Variants in INSC observed in about 807,000 individuals in gnomAD.
INSC encodes protein inscuteable homolog.
A neutral mutation model predicts 58.6 loss-of-function variants in INSC; 67 were observed. The observed-to-expected ratio is 1.14, with a 90% CI of 0.94 to 1.40. The LOEUF (loss-of-function observed/expected upper bound fraction) is 1.40. INSC is among the 40% of genes most tolerant of loss of function. The pLI is 0.00. For missense variants in INSC, 714 were observed against 692.0 expected (o/e 1.03, Z -0.36); for synonymous variants, 262 against 276.1 (o/e 0.95, Z 0.51).
At chr11:15,192,914 A>C (rs981737024) in intron 6 of INSC, among the ~76,000 whole-genome samples, 1 of 152,180 alleles carries the variant, frequency 6.6e-6, no homozygotes, top group Non-Finnish European at 1.5e-5. Context: ...CATATATTTG[A>C]CTCTGTTATA....
intron 7 of INSC, among the ~76,000 whole-genome samples, 191 bp downstream of exon 7, chr11:15,201,140 C>T (rs534438518): frequency 6.6e-6 from 1 of 152,140 alleles, no homozygotes; most frequent in Non-Finnish European, 1.5e-5. Context: ...GAGATGGGGA[C>T]TGATGAGCCT....
At chr11:15,208,856 GGT>G (rs1160079337) in intron 7 of INSC, among the ~76,000 whole-genome samples, 1 of 152,204 alleles carries the variant, frequency 6.6e-6, no homozygotes, top group East Asian at 1.9e-4. Flanking sequence ...GGCTGCCTGG[GGT>G]AGGCTTCTCC....
chr11:15,175,146 C>A (rs371968045), intron 2 of INSC, among the ~76,000 whole-genome samples: 2 of 152,162 alleles, frequency 1.3e-5, no homozygotes, highest in South Asian at 2.1e-4. Flanking sequence ...TCCTTAAGAG[C>A]CTTTAGCATT....
chr11:15,135,988 G>A (rs903084435), intron 1 of INSC, among the ~76,000 whole-genome samples: 6 of 152,122 alleles, frequency 3.9e-5, no homozygotes, highest in Non-Finnish European at 8.8e-5. Flanking sequence ...GGCCAAGAAA[G>A]TGAATCCACT....
chr11:15,140,869 G>A (rs1232774492), intron 1 of INSC, among the ~76,000 whole-genome samples: 1 of 152,096 alleles, frequency 6.6e-6, no homozygotes, highest in African/African-American at 2.4e-5. Context: ...GCAGGTGTGA[G>A]CCACTGCACA....
chr11:15,269,531 T>C, the INSC span, among the ~76,000 whole-genome samples: 1 of 152,016 alleles, frequency 6.6e-6, no homozygotes, highest in Non-Finnish European at 1.5e-5. Flanking sequence ...TGATGGTTTT[T>C]TTTTTGTTTG....
chr11:15,149,032 T>C, intron 1 of INSC, 98 bp from the exon 2 acceptor site: 1 of 1,380,486 alleles, frequency 7.2e-7, no homozygotes, highest in Non-Finnish European at 9.5e-7. Context: ...TCTTACCTCT[T>C]TGTCTGCTTT....
At chr11:15,159,145 G>A (rs548799580) in intron 2 of INSC, among the ~76,000 whole-genome samples, 1 of 152,314 alleles carries the variant, frequency 6.6e-6, no homozygotes, top group East Asian at 1.9e-4. Context: ...CCCTGGGTCT[G>A]CCTACAACTG....
rs114121821 is a variant in INSC at position 15,128,273 on chromosome 11, C to A, written c.-46+13270C>A. The stretch of plus-strand genomic sequence containing the variant: ...TTCACTTTGCCTGAATTATATCTTT[C>A]ACTCCTTTGGTCTTTTAAGAGATTT... On this transcript the variant is annotated intron_variant, in intron 1 of 12. Transcript: ENST00000379556. Among the ~76,000 whole-genome samples the A allele has an allele frequency of 7.7e-3, 1,177 of 152,330 alleles. 15 individuals carry two copies. Among genetic ancestry groups the A allele is most frequent in the African/African-American group, 0.027 (1,125 of 41,564 alleles).
At chr11:15,178,527 C>G (rs1849653989) in intron 5 of INSC, 80 bp downstream of exon 5, 2 of 1,504,754 alleles carry the variant, frequency 1.3e-6, no homozygotes, top group Non-Finnish European at 1.8e-6. Flanking sequence ...CTGAGCCAGG[C>G]TTGGGGAAGC....
chr11:15,229,340 A>G (rs758269936), intron 9 of INSC, among the ~76,000 whole-genome samples: 1 of 152,206 alleles, frequency 6.6e-6, no homozygotes, highest in Non-Finnish European at 1.5e-5. Flanking sequence ...AGGGAATGCC[A>G]GTCACTAGGG....
At chr11:15,183,351 C>CAAAAAA (rs66894801) in intron 5 of INSC, among the ~76,000 whole-genome samples, 2 of 80,752 alleles carry the variant, frequency 2.5e-5, no homozygotes, top group African/African-American at 8.8e-5. Flanking sequence ...AACTCCATCT[C>CAAAAAA]AAAAAAAAAA....
chr11:15,178,061 C>T (rs1044521989), intron 4 of INSC, among the ~76,000 whole-genome samples: 1 of 152,160 alleles, frequency 6.6e-6, no homozygotes, highest in African/African-American at 2.4e-5. Flanking sequence ...CAGGGAGAAG[C>T]CCAGAGGTAT....
intron 7 of INSC, among the ~76,000 whole-genome samples, chr11:15,217,665 G>A (rs534211907): frequency 1.3e-5 from 2 of 152,108 alleles, no homozygotes; most frequent in Admixed American, 6.6e-5. Context: ...GCATCAGAAC[G>A]AAACGCTAGG....
intron 9 of INSC, among the ~76,000 whole-genome samples, chr11:15,229,305 G>C (rs769186203): frequency 3.8e-4 from 58 of 152,178 alleles, no homozygotes; most frequent in Non-Finnish European, 6.3e-4. Context: ...ACATTTCTGG[G>C]ACCTCACTGT....
intron 10 of INSC, among the ~76,000 whole-genome samples, chr11:15,236,152 G>A (rs76598108): frequency 6.6e-6 from 1 of 151,618 alleles, no homozygotes; most frequent in Admixed American, 6.6e-5. Flanking sequence ...GTCTATATAT[G>A]TGAATATTTG....
intron 7 of INSC, among the ~76,000 whole-genome samples, chr11:15,214,771 A>T (rs1851151838): frequency 6.6e-6 from 1 of 152,184 alleles, no homozygotes. Flanking sequence ...TGCACCCATG[A>T]ATAGGTTAAC....
At chr11:15,128,515 T>C (rs79027395) in intron 1 of INSC, among the ~76,000 whole-genome samples, 1,953 of 152,324 alleles carry the variant, frequency 0.013, 22 homozygotes, top group South Asian at 0.048. Context: ...ACTAAGCTTA[T>C]GCAGTTAGTT....
At chr11:15,173,829 T>C (rs1379507551) in intron 2 of INSC, among the ~76,000 whole-genome samples, 1 of 152,188 alleles carries the variant, frequency 6.6e-6, no homozygotes, top group Non-Finnish European at 1.5e-5. Flanking sequence ...TTTAAAAGCC[T>C]ACAGTCAAAT....
Sources: gnomAD v4.1 joint callset for allele counts (sites outside exome capture counted in the v4.1 genomes callset) on GRCh38, gnomAD v4.1.1 for gene constraint, MANE v1.5 for transcripts, NCBI Gene and HGNC (gene_info 2026-07-23, HGNC 2026-07-21) for gene names.